NRTN: variants seen among roughly 807,000 people sequenced by gnomAD.
The protein encoded by NRTN is prepro-neurturin.
NRTN carries 3 observed loss-of-function variants against 7.5 expected under a neutral mutation model. The ratio of observed to expected loss-of-function variants is 0.40; its 90% confidence interval spans 0.18 to 1.03. The LOEUF is 1.03. Among genes scored for constraint, NRTN ranks in the 50% least tolerant of loss-of-function variants. The pLI is 0.34. For missense variants in NRTN, 310 were observed against 307.0 expected (o/e 1.01, Z -0.07); for synonymous variants, 157 against 146.6 (o/e 1.07, Z -0.51).
At chr19:5,809,756 T>C (rs2056984376) in intron 1 of NRTN, among the ~76,000 whole-genome samples, 1 of 151,572 alleles carries the variant, frequency 6.6e-6, no homozygotes, top group South Asian at 2.1e-4. Context: ...TGCTCTGCTG[T>C]GTGTCTTTAA....
At chr19:5,820,071 C>T (rs560903726) in intron 1 of NRTN, among the ~76,000 whole-genome samples, 1 of 149,748 alleles carries the variant, frequency 6.7e-6, no homozygotes, top group South Asian at 2.1e-4. Flanking sequence ...TCGAGACCAT[C>T]CTGGCTAACA....
At chr19:5,814,552 G>A (rs2056999410) in intron 1 of NRTN, among the ~76,000 whole-genome samples, 1 of 152,192 alleles carries the variant, frequency 6.6e-6, no homozygotes, top group South Asian at 2.1e-4. Context: ...TGTCCCCTGG[G>A]GAGTTCGGTG....
intron 1 of NRTN, among the ~76,000 whole-genome samples, chr19:5,823,061 A>G (rs2057031360): frequency 8.2e-6 from 1 of 121,404 alleles, no homozygotes; most frequent in Non-Finnish European, 1.8e-5. Context: ...GAAAGAAAGG[A>G]AAGAAAGGAA....
At chr19:5,822,053 T>TA (rs1374668572) in intron 1 of NRTN, among the ~76,000 whole-genome samples, 3 of 152,166 alleles carry the variant, frequency 2.0e-5, no homozygotes, top group African/African-American at 7.2e-5. Context: ...CCAGGCCTGT[T>TA]ACACAGCTGG....
At chr19:5,822,758 T>G (rs1270423831) in intron 1 of NRTN, among the ~76,000 whole-genome samples, 1 of 152,170 alleles carries the variant, frequency 6.6e-6, no homozygotes, top group Non-Finnish European at 1.5e-5. Context: ...CCCAGCTCTT[T>G]GGGAGGCCAA....
In NRTN at chr19:5,805,271, A is replaced by C. The variant is rs1225320209; in HGVS notation, c.-579A>C. The stretch of plus-strand genomic sequence containing the variant: ...CCCGGGATGGCCGCAGCCCGCGGCT[A>C]AGCGAGCCCGGGGGGCCCCATGGGC... On this transcript the variant is annotated 5_prime_UTR_variant, in exon 1 of 3. An upstream open reading frame in the 5' UTR loses its in-frame stop. Transcript: ENST00000303212. Among the ~76,000 whole-genome samples the C allele has an allele frequency of 2.3e-5, 1 of 44,042 alleles. No homozygotes were observed. The highest frequency in any genetic ancestry group is 2.4e-4 in the Admixed American group (1 of 4,096). The allele number at this position is 44,042 out of a possible 152,430, so 28.9% of individuals were successfully genotyped here. A position where few individuals can be genotyped will look rare whatever the true frequency, so the allele number is the denominator to read the frequency against.
intron 2 of NRTN, among the ~76,000 whole-genome samples, chr19:5,825,265 C>T (rs377356728): frequency 2.0e-5 from 3 of 152,184 alleles, no homozygotes; most frequent in African/African-American, 7.2e-5. Flanking sequence ...ATGCCTGCCC[C>T]ACCGCAGGTG....
chr19:5,827,840 G>A lies in NRTN; in HGVS notation c.261G>A (p.Ala87=), dbSNP rs1438888120. The stretch of plus-strand genomic sequence containing the variant: ...GGCCCCCAGGTCCGCGCCGTCGGGC[G>A]GGGCCCCGGCGGCGGCGCGCGCGTG... The part of the protein sequence containing the change: ...AGRPPGPRRR[A]GPRRRRARAR... Residue 87 remains alanine (A), a synonymous_variant, in exon 3 of 3, where the codon GCG becomes GCA. Coordinates refer to ENST00000303212, the MANE Select transcript of NRTN (RefSeq NM_004558.5). The A allele has an allele frequency of 7.7e-6, 9 of 1,169,336 alleles. No homozygotes were observed. The highest frequency in any genetic ancestry group is 9.5e-6 in the Non-Finnish European group (9 of 951,416). The allele number at this position is 1,169,336 out of a possible 1,614,324, so 72.4% of individuals were successfully genotyped here. A position where few individuals can be genotyped will look rare whatever the true frequency, so the allele number is the denominator to read the frequency against.
At chr19:5,810,502 A>T (rs76603390) in intron 1 of NRTN, among the ~76,000 whole-genome samples, 1 of 151,976 alleles carries the variant, frequency 6.6e-6, no homozygotes, top group Non-Finnish European at 1.5e-5. Context: ...GCTAATAATA[A>T]TAACATGTTT....
chr19:5,809,246 T>C (rs1599633493), intron 1 of NRTN, among the ~76,000 whole-genome samples: 1 of 150,196 alleles, frequency 6.7e-6, no homozygotes, highest in Non-Finnish European at 1.5e-5. Flanking sequence ...TCATAGCTCA[T>C]TGCAGCCTCC....
chr19:5,819,644 CAA>C (rs1180548646), intron 1 of NRTN, among the ~76,000 whole-genome samples: 1 of 151,534 alleles, frequency 6.6e-6, no homozygotes, highest in East Asian at 2.0e-4. Flanking sequence ...GCCTGGGCAA[CAA>C]GAGCAAAATT....
At chr19:5,824,408 T>C in intron 2 of NRTN, 74 bp downstream of exon 2, 2 of 1,406,754 alleles carry the variant, frequency 1.4e-6, no homozygotes, top group Non-Finnish European at 1.9e-6. Context: ...GAGTGGGAGG[T>C]GGTGGGGGGG....
intron 1 of NRTN, among the ~76,000 whole-genome samples, chr19:5,816,283 T>C (rs1031967845): frequency 2.6e-5 from 4 of 152,204 alleles, no homozygotes; most frequent in African/African-American, 9.7e-5. Flanking sequence ...GCCATCCCCT[T>C]TCCTTTGGCC....
At position 5,824,088 on chromosome 19, in the gene NRTN, C is replaced by G. The variant is rs1261033129; in HGVS notation, c.-78C>G. 6.4e-7 allele frequency: 1 copy of G among 1,570,122 alleles called. No individual in the cohort carries two copies. ...TCAAAGGCCCCACACTGAGTCCTGG[C>G]CCAGCGCCCTGTGCCCGTTGGCTGC... On this transcript the variant is annotated 5_prime_UTR_variant, in exon 2 of 3. Transcript: ENST00000303212.
At chr19:5,826,184 CG>C (rs1050037202) in intron 2 of NRTN, among the ~76,000 whole-genome samples, 2 of 152,126 alleles carry the variant, frequency 1.3e-5, no homozygotes, top group African/African-American at 4.8e-5. Flanking sequence ...CAGATTTAGC[CG>C]GGCACCTGTA....
At chr19:5,821,408 G>A (rs1236771930) in intron 1 of NRTN, among the ~76,000 whole-genome samples, 3 of 144,620 alleles carry the variant, frequency 2.1e-5, no homozygotes, top group Non-Finnish European at 4.5e-5. Context: ...GGGTTCAAGC[G>A]ATTCTCCTGC....
At position 5,805,124 on chromosome 19, in the gene NRTN, G is replaced by T. The variant is rs1422974489; in HGVS notation, c.-726G>T. On this transcript the variant is annotated 5_prime_UTR_variant, in exon 1 of 3. Transcript: ENST00000303212. ...TCCGAGTGCCCAGGTCCCTCTCGCC[G>T]CCGCCCCGGAGCCCCGTGCTGCGCG... Among the ~76,000 whole-genome samples, 5 of 146,548 alleles carry T rather than the reference G, an allele frequency of 3.4e-5. No individual in the cohort carries two copies. Among genetic ancestry groups the T allele is most frequent in the African/African-American group, 1.2e-4 (5 of 40,782 alleles).
At chr19:5,814,206 C>T (rs900208290) in intron 1 of NRTN, among the ~76,000 whole-genome samples, 1 of 152,036 alleles carries the variant, frequency 6.6e-6, no homozygotes, top group African/African-American at 2.4e-5. Context: ...GAAGATGTCC[C>T]TCTAGAAACT....
At chr19:5,815,995 T>C (rs901838574) in intron 1 of NRTN, among the ~76,000 whole-genome samples, 1 of 152,182 alleles carries the variant, frequency 6.6e-6, no homozygotes, top group Non-Finnish European at 1.5e-5. Flanking sequence ...TCCACCCGCC[T>C]TGGCCTCTCG....
Sources: gnomAD v4.1 joint callset for allele counts (sites outside exome capture counted in the v4.1 genomes callset) on GRCh38, gnomAD v4.1.1 for gene constraint, MANE v1.5 for transcripts, NCBI Gene and HGNC (gene_info 2026-07-23, HGNC 2026-07-21) for gene names.